The following PAK4 variants were observed in gnomAD, a reference collection of about 807,000 sequenced individuals.
PAK4 encodes serine/threonine-protein kinase PAK 4.
In PAK4, 49 loss-of-function variants were observed where a neutral mutation model predicts 53.5. That is an observed-to-expected ratio of 0.92 (90% confidence interval 0.73 to 1.16). The LOEUF is 1.16. PAK4 is among the 50% of genes most tolerant of loss of function. PAK4 has a pLI of 0.00. For synonymous variants in PAK4, 376 were observed against 375.6 expected (o/e 1.00, Z -0.01); for missense variants, 824 against 850.7 (o/e 0.97, Z 0.39).
intron 1 of PAK4, among the ~76,000 whole-genome samples, chr19:39,142,586 A>G (rs1367103211): frequency 6.6e-6 from 1 of 152,150 alleles, no homozygotes; most frequent in Non-Finnish European, 1.5e-5. Context: ...TGGGAGCAAT[A>G]GGCTGGGTGC....
chr19:39,179,082 G>C (rs1054624547), exon 9 of PAK4: 1 of 152,676 alleles, frequency 6.5e-6, no homozygotes, highest in African/African-American at 2.4e-5. Context: ...ATGAATGTCC[G>C]AAGAGTGGCC....
In PAK4 at chr19:39,173,278, C is replaced by A. The variant is rs866028957; in HGVS notation, c.565C>A (p.Gln189Lys). The A allele has an allele frequency of 6.2e-7, 1 of 1,604,270 alleles. No homozygotes were observed. Among genetic ancestry groups the A allele is most frequent in the Non-Finnish European group, 8.5e-7 (1 of 1,176,332 alleles). The change falls in exon 3 of 9, where the codon CAG becomes AAG. Residue 189 changes from glutamine (Q) to lysine (K), a missense_variant. By Grantham distance (53) the Gln-to-Lys change is moderately conservative. This residue lies in a region of PAK4 where 478 missense variants were observed against 435.8 expected (regional missense o/e 1.10). Coordinates refer to ENST00000358301, the Ensembl canonical transcript of PAK4. This position sits in a 1 kb window ranked among gnomAD's most constrained non-coding sequence, Gnocchi z 6.9. ...CTCCGGGCCTGATGTCGGCACCCCCCAGCCTGCTGGTCTGGCCAGTGGGGC... is the reference window on the plus strand; with the variant it reads ...CTCCGGGCCTGATGTCGGCACCCCCAAGCCTGCTGGTCTGGCCAGTGGGGC...
intron 1 of PAK4, among the ~76,000 whole-genome samples, chr19:39,149,155 A>G (rs1600343182): frequency 6.6e-6 from 1 of 152,212 alleles, no homozygotes; most frequent in African/African-American, 2.4e-5. Context: ...TGTTCGTCCA[A>G]AAGAATTGAA....
At chr19:39,180,984 G>A (rs1052162863), downstream of PAK4, 1 of 152,272 alleles carries the variant, frequency 6.6e-6, no homozygotes, top group African/African-American at 2.4e-5. Context: ...GAAACCACGG[G>A]CTCAGAGACG....
Position 39,178,893 on chromosome 19 carries a change from G to T in PAK4, c.*314G>T. The stretch of plus-strand genomic sequence containing the variant: ...CCATCACTGGAAGTCTGCAGTGGGG[G>T]TCGCTGGGGGTGGAGAGAACACTAA... On this transcript the variant is annotated 3_prime_UTR_variant, in exon 9 of 9. Coordinates refer to ENST00000358301, the Ensembl canonical transcript of PAK4. This position sits in a 1 kb window ranked among gnomAD's most constrained non-coding sequence, Gnocchi z 4.4. 2.9e-6 allele frequency: 1 copy of T among 341,678 alleles called. No individual in the cohort carries two copies. Among genetic ancestry groups the T allele is most frequent in the Non-Finnish European group, 5.4e-6 (1 of 185,752 alleles). The allele number at this position is 341,678 out of a possible 1,614,324, so 21.2% of individuals were successfully genotyped here. A position where few individuals can be genotyped will look rare whatever the true frequency, so the allele number is the denominator to read the frequency against.
intron 1 of PAK4, 106 bp from the exon 2 acceptor site, chr19:39,168,124 G>T (rs1185277127): frequency 6.6e-6 from 1 of 152,274 alleles, no homozygotes; most frequent in Admixed American, 6.5e-5. Context: ...GAGGTCAAAG[G>T]CTGTCTGGGT....
intron 1 of PAK4, among the ~76,000 whole-genome samples, chr19:39,144,812 AAG>A (rs2073973429): frequency 6.6e-6 from 1 of 152,020 alleles, no homozygotes; most frequent in Non-Finnish European, 1.5e-5. Context: ...GCTCATTGTA[AAG>A]AGAGACGGTA....
chr19:39,167,917 G>T (rs2074405644), intron 1 of PAK4: 1 of 152,364 alleles, frequency 6.6e-6, no homozygotes, highest in Non-Finnish European at 1.5e-5. Flanking sequence ...GAGCCAGCTG[G>T]GACAAGACAG....
intron 1 of PAK4, among the ~76,000 whole-genome samples, chr19:39,149,111 A>C (rs182223186): frequency 9.8e-5 from 15 of 152,302 alleles, no homozygotes; most frequent in East Asian, 7.7e-4. Context: ...TTCGGCATAG[A>C]ATTACCTTGT....
At position 39,178,092 on chromosome 19, in the gene PAK4, C is replaced by T. The variant is rs767539708; in HGVS notation, c.1620+283C>T. ...CACGTTTAGAAGTGGAGGACAGGGC[C>T]GGGACCTTCCTAGTGGAGGACTTGC... On this transcript the variant is annotated intron_variant, in intron 8 of 8. Coordinates refer to ENST00000358301, the Ensembl canonical transcript of PAK4. The surrounding 1 kb of genome is among the most constrained non-coding windows in gnomAD (Gnocchi z 4.4). Among the ~76,000 whole-genome samples, 6 of 152,112 alleles carry T rather than the reference C, an allele frequency of 3.9e-5. No individual in the cohort carries two copies. The highest frequency in any genetic ancestry group is 7.4e-5 in the Non-Finnish European group (5 of 68,004).
intron 1 of PAK4, chr19:39,134,922 C>T (rs1239730859): frequency 6.6e-6 from 1 of 152,330 alleles, no homozygotes; most frequent in Non-Finnish European, 1.5e-5. Context: ...ATATTCTGTT[C>T]CTCCATCTCC....
At chr19:39,147,822 T>C (rs569372930) in intron 1 of PAK4, among the ~76,000 whole-genome samples, 5 of 151,022 alleles carry the variant, frequency 3.3e-5, no homozygotes, top group East Asian at 3.9e-4. Context: ...CATTTTCTTA[T>C]TGGATTGTTT....
At chr19:39,179,368 C>T (rs370782442) in exon 9 of PAK4, 2 of 150,936 alleles carry the variant, frequency 1.3e-5, no homozygotes, top group African/African-American at 2.4e-5. Flanking sequence ...ACCCCTGCCT[C>T]GAGTTAGTTT....
rs778616179 is a variant in PAK4 at position 39,173,717 on chromosome 19, C to T, written c.805C>T (p.Pro269Ser). The change falls in exon 4 of 9, where the codon CCC becomes TCC. Residue 269 changes from proline (P) to serine (S), a missense_variant. This residue lies in a region of PAK4 where 478 missense variants were observed against 435.8 expected (regional missense o/e 1.10). Coordinates refer to ENST00000358301, the Ensembl canonical transcript of PAK4. The surrounding 1 kb of genome is among the most constrained non-coding windows in gnomAD (Gnocchi z 6.9). ...AGTGCTGGGACCCCACGCCTCAGAG[C>T]CCCAGCTGGCCCCTCCAGCCTGCAC... 1.9e-6 allele frequency: 3 copies of T among 1,576,430 alleles called. No homozygotes were observed. The highest frequency in any genetic ancestry group is 2.6e-6 in the Non-Finnish European group (3 of 1,163,906).
At chr19:39,172,658 A>AG (rs373638184) in intron 2 of PAK4, among the ~76,000 whole-genome samples, 371 of 152,064 alleles carry the variant, frequency 2.4e-3, no homozygotes, top group Admixed American at 3.8e-3. Flanking sequence ...GAGAAAAACA[A>AG]GGGGGGCCTC....
In PAK4 at chr19:39,178,700, C is replaced by G. The variant is rs1456685317; in HGVS notation, c.*121C>G. ...GGGAGATGCTCCGCGTGGCACCACCCTCCTTGCTGGGGGTAGATGAGACCC... is the reference window on the plus strand; with the variant it reads ...GGGAGATGCTCCGCGTGGCACCACCGTCCTTGCTGGGGGTAGATGAGACCC... On this transcript the variant is annotated 3_prime_UTR_variant, in exon 9 of 9. Transcript: ENST00000358301. The surrounding 1 kb of genome is among the most constrained non-coding windows in gnomAD (Gnocchi z 4.4). 3 of 864,684 alleles carry G rather than the reference C, an allele frequency of 3.5e-6. No individual in the cohort carries two copies. Among genetic ancestry groups the G allele is most frequent in the Non-Finnish European group, 5.3e-6 (3 of 569,496 alleles). 53.6% of individuals were successfully genotyped at this position (864,684 alleles called of 1,614,324 possible).
At chr19:39,159,849 C>T (rs1471204670) in intron 1 of PAK4, among the ~76,000 whole-genome samples, 1 of 152,240 alleles carries the variant, frequency 6.6e-6, no homozygotes, top group Admixed American at 6.5e-5. Flanking sequence ...CTGCCCCCTC[C>T]ACCCTCCACA....
chr19:39,160,060 G>C (rs957573761), intron 1 of PAK4, among the ~76,000 whole-genome samples: 6 of 152,226 alleles, frequency 3.9e-5, no homozygotes, highest in Non-Finnish European at 8.8e-5. Flanking sequence ...GCAGTGGGGA[G>C]GGCCTGGGCG....
Position 39,178,467 on chromosome 19 carries a change from G to A in PAK4, c.1664G>A (p.Arg555Gln), listed in dbSNP as rs745642110. Residue 555 changes from arginine (R) to glutamine (Q), a missense_variant, in exon 9 of 9, where the codon CGA (arginine) becomes CAA (glutamine). By Grantham distance (43) the Arg-to-Gln change is conservative (BLOSUM62 1). This residue lies in a region of PAK4 where 346 missense variants were observed against 415.0 expected (regional missense o/e 0.83). Coordinates refer to ENST00000358301, the Ensembl canonical transcript of PAK4. The surrounding 1 kb of genome is among the most constrained non-coding windows in gnomAD (Gnocchi z 4.4). ...GGCTTCCTGGACCGCCTGCTGGTGC[G>A]AGACCCTGCCCAGCGGGCCACGGCA... 59 of 1,606,090 alleles carry A rather than the reference G, an allele frequency of 3.7e-5. No individual in the cohort carries two copies. The highest frequency in any genetic ancestry group is 6.7e-5 in the African/African-American group (5 of 74,694).
Sources: allele counts gnomAD v4.1 joint callset (sites outside exome capture counted in the v4.1 genomes callset), GRCh38; gene constraint gnomAD v4.1.1; regional missense constraint gnomAD v4.1.1; non-coding constraint Gnocchi (gnomAD v3.1); transcripts MANE v1.5; gene names NCBI Gene and HGNC (gene_info 2026-07-23, HGNC 2026-07-21).